Variants in ADCY2 observed in about 807,000 individuals in gnomAD.
ADCY2 encodes the protein adenylate cyclase type 2.
ADCY2 carries 31 observed loss-of-function variants against 125.2 expected under a neutral mutation model. The ratio of observed to expected loss-of-function variants is 0.25; its 90% CI spans 0.19 to 0.33. The LOEUF (loss-of-function observed/expected upper bound fraction) is 0.33. Among genes scored for constraint, ADCY2 ranks in the 10% least tolerant of loss-of-function variants. ADCY2 has a pLI of 1.00. For missense variants in ADCY2, 904 were observed against 1,418.2 expected, an observed-to-expected ratio of 0.64 and a Z score of 5.82; for synonymous variants, 512 against 548.4, an observed-to-expected ratio of 0.93 and a Z score of 0.93.
intron 3 of ADCY2, among the ~76,000 whole-genome samples, chr5:7,544,471 A>C (rs144921175): frequency 6.6e-6 from 1 of 151,964 alleles, no homozygotes; most frequent in African/African-American, 2.4e-5. Flanking sequence ...CACGTCTCCA[A>C]TTTCCTCTTT....
intron 1 of ADCY2, among the ~76,000 whole-genome samples, chr5:7,398,634 T>G (rs1357267430): frequency 6.6e-6 from 1 of 152,202 alleles, no homozygotes; most frequent in Non-Finnish European, 1.5e-5. Context: ...TAATTCATGG[T>G]CTCATGTCTA....
intron 8 of ADCY2, among the ~76,000 whole-genome samples, 195 bp downstream of exon 8, chr5:7,707,097 T>C: frequency 6.6e-6 from 1 of 152,242 alleles, no homozygotes; most frequent in East Asian, 1.9e-4. Flanking sequence ...ACGACCCCGT[T>C]GTCCATAGTT....
chr5:7,526,248 G>A (rs1734454826), intron 3 of ADCY2, among the ~76,000 whole-genome samples: 1 of 152,184 alleles, frequency 6.6e-6, no homozygotes, highest in Admixed American at 6.5e-5. Flanking sequence ...GCTTCCTTAC[G>A]GGGCCTTGTC....
At chr5:7,705,863 A>T (rs1383696981) in intron 7 of ADCY2, among the ~76,000 whole-genome samples, 1 of 152,214 alleles carries the variant, frequency 6.6e-6, no homozygotes, top group African/African-American at 2.4e-5. Context: ...TAGCATGCTA[A>T]AATGGTATCA....
intron 1 of ADCY2, among the ~76,000 whole-genome samples, chr5:7,411,975 T>G (rs962023220): frequency 2.0e-5 from 3 of 151,428 alleles, no homozygotes; most frequent in African/African-American, 7.3e-5. Context: ...CTTGGGAGGC[T>G]GAGGCAGGAG....
intron 3 of ADCY2, among the ~76,000 whole-genome samples, chr5:7,574,691 G>A (rs1358626786): frequency 1.3e-5 from 2 of 152,188 alleles, no homozygotes; most frequent in East Asian, 3.9e-4. Flanking sequence ...CTTTAAATTA[G>A]ATCCCAGATG....
At chr5:7,563,114 T>A (rs2126590498) in intron 3 of ADCY2, among the ~76,000 whole-genome samples, 1 of 152,288 alleles carries the variant, frequency 6.6e-6, no homozygotes, top group African/African-American at 2.4e-5. Flanking sequence ...ATGAAAGAGG[T>A]GATCTCTGAT....
Position 7,396,827 on chromosome 5 carries a change from C to G in ADCY2, c.210+321C>G, listed in dbSNP as rs1182377974. Among the ~76,000 whole-genome samples, 1 of 152,186 alleles carries G rather than the reference C, an allele frequency of 6.6e-6. No homozygotes were observed. The highest frequency in any genetic ancestry group is 1.5e-5 in the Non-Finnish European group (1 of 68,030). On this transcript the variant is annotated intron_variant, in intron 1 of 24. Coordinates refer to ENST00000338316, the MANE Select transcript of ADCY2 (RefSeq NM_020546.3). This position sits in a 1 kb window ranked among gnomAD's most constrained non-coding sequence, Gnocchi z 5.7. The stretch of plus-strand genomic sequence containing the variant: ...CGCTGGCAAACTCTGCGCTTTCCGC[C>G]GGGCACCGCTGCCCGCAGCGCTGGA...
intron 16 of ADCY2, among the ~76,000 whole-genome samples, chr5:7,758,877 C>G (rs76763001): frequency 6.6e-6 from 1 of 152,110 alleles, no homozygotes; most frequent in African/African-American, 2.4e-5. Flanking sequence ...ATTCATATTA[C>G]GAAGTAGAGA....
intron 3 of ADCY2, among the ~76,000 whole-genome samples, chr5:7,562,665 G>A (rs755561722): frequency 2.0e-5 from 3 of 152,040 alleles, no homozygotes; most frequent in Non-Finnish European, 2.9e-5. Flanking sequence ...ACACACACAC[G>A]GCCTTAGTAG....
intron 2 of ADCY2, among the ~76,000 whole-genome samples, chr5:7,490,105 A>G (rs1443706171): frequency 2.0e-5 from 3 of 152,148 alleles, no homozygotes; most frequent in Non-Finnish European, 2.9e-5. Context: ...GCAATGTGCT[A>G]TGTGATTGGA....
chr5:7,425,209 T>G (rs551839158), intron 2 of ADCY2, among the ~76,000 whole-genome samples: 1 of 152,314 alleles, frequency 6.6e-6, no homozygotes, highest in South Asian at 2.1e-4. Flanking sequence ...TTTGCAGTGT[T>G]TTCCTGAAAG....
chr5:7,759,546 C>A (rs1214975801), intron 16 of ADCY2, among the ~76,000 whole-genome samples: 7 of 152,196 alleles, frequency 4.6e-5, no homozygotes, highest in Non-Finnish European at 7.3e-5. Context: ...GTAAGATGAG[C>A]GAGTGGCACG....
At chr5:7,588,536 G>T (rs769689387) in intron 3 of ADCY2, among the ~76,000 whole-genome samples, 2 of 152,178 alleles carry the variant, frequency 1.3e-5, no homozygotes. Context: ...TGTTGCCACC[G>T]ATGGCAAGCT....
At chr5:7,412,110 A>G (rs1739743249) in intron 1 of ADCY2, among the ~76,000 whole-genome samples, 1 of 151,906 alleles carries the variant, frequency 6.6e-6, no homozygotes, top group Non-Finnish European at 1.5e-5. Context: ...AAGCTCTTAC[A>G]GGTCATTCCG....
At chr5:7,553,549 G>A (rs1260575308) in intron 3 of ADCY2, among the ~76,000 whole-genome samples, 1 of 152,316 alleles carries the variant, frequency 6.6e-6, no homozygotes, top group African/African-American at 2.4e-5. Flanking sequence ...CACCTGCCCC[G>A]TTGCTTCCAG....
chr5:7,691,593 C>T (rs1561169617), intron 5 of ADCY2: 1 of 152,146 alleles, frequency 6.6e-6, no homozygotes, highest in African/African-American at 2.4e-5. Flanking sequence ...TCTCCTGCCC[C>T]TGTCTCCGAG....
chr5:7,479,865 T>C (rs1287083381), intron 2 of ADCY2, among the ~76,000 whole-genome samples: 1 of 152,172 alleles, frequency 6.6e-6, no homozygotes, highest in African/African-American at 2.4e-5. Context: ...TTTCTGTTCC[T>C]GGCTTATTTC....
intron 4 of ADCY2, among the ~76,000 whole-genome samples, chr5:7,683,287 C>T (rs1429088797): frequency 6.6e-6 from 1 of 152,212 alleles, no homozygotes; most frequent in Non-Finnish European, 1.5e-5. Context: ...GAATGAGTGA[C>T]CTCTCCCCAC....
Sources: allele counts gnomAD v4.1 joint callset (sites outside exome capture counted in the v4.1 genomes callset), GRCh38; gene constraint gnomAD v4.1.1; non-coding constraint Gnocchi (gnomAD v3.1); transcripts MANE v1.5; gene names NCBI Gene and HGNC (gene_info 2026-07-23, HGNC 2026-07-21).